Variants in NLE1 observed in about 807,000 individuals in gnomAD.
The protein encoded by NLE1 is notchless protein homolog 1.
In NLE1, 37 loss-of-function variants were observed where a neutral mutation model predicts 62.8. The observed-to-expected ratio is 0.59, with a 90% CI of 0.45 to 0.78. NLE1 has a LOEUF of 0.78. Among genes scored for constraint, NLE1 ranks in the 30% least tolerant of loss-of-function variants. NLE1 has a pLI of 0.00. For missense variants in NLE1, 555 were observed against 637.9 expected (o/e 0.87, Z 1.40); for synonymous variants, 243 against 253.0 (o/e 0.96, Z 0.37).
rs2091913793 is a variant in NLE1 at position 35,137,105 on chromosome 17, G to A, written c.724C>T (p.Leu242Phe). ...DTTAGRCERILTGHTQSVTCL... is the reference protein window; with the variant it reads ...DTTAGRCERIFTGHTQSVTCL... Reference sequence around the variant, plus strand: ...GTGACCGACTGGGTGTGCCCGGTGAGGATGCGCTCACAGCGGCCTGCAGTT... The same window carrying A: ...GTGACCGACTGGGTGTGCCCGGTGAAGATGCGCTCACAGCGGCCTGCAGTT... Residue 242 changes from leucine (L) to phenylalanine (F), a missense_variant, in exon 7 of 13, where the codon CTC becomes TTC. Transcript: ENST00000442241. 2 of 1,613,936 alleles carry A rather than the reference G, an allele frequency of 1.2e-6. No homozygotes were observed. Among genetic ancestry groups the A allele is most frequent in the Non-Finnish European group, 1.7e-6 (2 of 1,179,968 alleles).
At position 35,137,816 on chromosome 17, in the gene NLE1, G is replaced by C. The variant is rs2091918585; in HGVS notation, c.535C>G (p.Gln179Glu). The C allele has an allele frequency of 7.4e-6, 12 of 1,610,954 alleles. No individual in the cohort carries two copies. Among genetic ancestry groups the C allele is most frequent in the Non-Finnish European group, 9.3e-6 (11 of 1,178,360 alleles). Reference protein sequence around the residue: ...RKLASGCKNGQILLWDPSTGK... With the variant: ...RKLASGCKNGEILLWDPSTGK... ...TAGTTACCCTGAGAACTACCTACCT[G>C]GCCATTCTTGCAGCCTGAGGCCAGC... The change falls in exon 5 of 13, where the codon CAG becomes GAG. Residue 179 changes from glutamine to glutamate, a missense_variant and splice_region_variant. By Grantham distance (29) the Gln-to-Glu change is conservative. Coordinates refer to ENST00000442241, the MANE Select transcript of NLE1 (RefSeq NM_018096.5).
intron 2 of NLE1, among the ~76,000 whole-genome samples, chr17:35,141,740 A>G (rs189516587): frequency 1.3e-5 from 2 of 152,304 alleles, no homozygotes; most frequent in Admixed American, 1.3e-4. Flanking sequence ...CAAAGAATCA[A>G]TGAAATACAG....
intron 2 of NLE1, among the ~76,000 whole-genome samples, chr17:35,141,754 C>A (rs1217604551): frequency 6.6e-6 from 1 of 152,168 alleles, no homozygotes; most frequent in East Asian, 1.9e-4. Context: ...AATACAGCAT[C>A]CGGTGCGTTC....
rs1248715027 is a variant in NLE1 at position 35,130,128 on chromosome 17, T to C, written c.*2309A>G. 22 of 1,443,918 alleles carry C rather than the reference T, an allele frequency of 1.5e-5. No homozygotes were observed. The highest frequency in any genetic ancestry group is 7.2e-5 in the African/African-American group (5 of 69,854). The allele number at this position is 1,443,918 out of a possible 1,614,324, so 89.4% of individuals were successfully genotyped here. On this transcript the variant is annotated 3_prime_UTR_variant, in exon 13 of 13. Transcript: ENST00000442241. ...AGGAGGTACAGGCTTGAGTCATGCATCTTTGCACCTGTTTCCTGCGTCAAT... is the reference window on the plus strand; with the variant it reads ...AGGAGGTACAGGCTTGAGTCATGCACCTTTGCACCTGTTTCCTGCGTCAAT...
chr17:35,135,590 G>T, intron 9 of NLE1, 139 bp from the exon 10 acceptor site: 1 of 718,914 alleles, frequency 1.4e-6, no homozygotes, highest in South Asian at 1.9e-5. Context: ...AATGAGGACT[G>T]GCTTGGCCAC....
In NLE1 at chr17:35,134,915, G is replaced by A. The variant is rs550543214; in HGVS notation, c.1214+334C>T. The A allele has an allele frequency of 4.9e-5, 20 of 404,476 alleles. No individual in the cohort carries two copies. The Middle Eastern group carries it at 1.1e-3, about 22-fold the overall frequency. The allele number at this position is 404,476 out of a possible 1,614,324, so 25.1% of individuals were successfully genotyped here. ...AAAAATACAAAAATTAGCCAGGCAC[G>A]GTGGCGGAGGCCTGTAATCCCAGCT... On this transcript the variant is annotated intron_variant, in intron 10 of 12. Transcript: ENST00000442241.
At chr17:35,139,728 G>C in intron 3 of NLE1, 121 bp downstream of exon 3, 1 of 1,389,156 alleles carries the variant, frequency 7.2e-7, no homozygotes, top group Non-Finnish European at 9.7e-7. Context: ...TGAGTCCAGA[G>C]CTTGGGTCTA....
Position 35,132,358 on chromosome 17 carries a change from T to C in NLE1, c.*79A>G, listed in dbSNP as rs1175961904. 3.8e-6 allele frequency: 5 copies of C among 1,317,526 alleles called. No homozygotes were observed. Among genetic ancestry groups the C allele is most frequent in the Non-Finnish European group, 5.0e-6 (5 of 993,386 alleles). The allele number at this position is 1,317,526 out of a possible 1,614,324, so 81.6% of individuals were successfully genotyped here. ...TGGGGAGGGTGTGTGCACTGCCATC[T>C]CAGCCTTTGTTCTCTGGCAGGGAAG... is the stretch of plus-strand genomic sequence containing the variant. On this transcript the variant is annotated 3_prime_UTR_variant, in exon 13 of 13. Transcript: ENST00000442241.
rs201326610 is a variant in NLE1, at chr17:35,135,353, T to C, written c.1110A>G (p.Gly370=). 79 of 1,614,064 alleles carry C rather than the reference T, an allele frequency of 4.9e-5. No homozygotes were observed. The Middle Eastern group carries it at 6.6e-4, about 13-fold the overall frequency. Residue 370 remains glycine, a synonymous_variant, in exon 10 of 13, where the codon GGA becomes GGG. Transcript: ENST00000442241. ...GCACCTGGTTGATGAGAGCTTGGTG[T>C]CCTGTCATCCGAGTGAGAGGCTTTT... ...EDKKPLTRMT[G]HQALINQVLF...
chr17:35,140,984 GTAAT>G (rs2091940222), intron 2 of NLE1, among the ~76,000 whole-genome samples: 1 of 152,204 alleles, frequency 6.6e-6, no homozygotes, highest in African/African-American at 2.4e-5. Flanking sequence ...GAACAACTAA[GTAAT>G]TAGTTCAATG....
At position 35,129,523 on chromosome 17, in the gene NLE1, G is replaced by C. The variant is rs774036183; in HGVS notation, c.*2914C>G. On this transcript the variant is annotated 3_prime_UTR_variant, in exon 13 of 13. Coordinates refer to ENST00000442241, the MANE Select transcript of NLE1 (RefSeq NM_018096.5). Reference sequence around the variant, plus strand: ...AGGAGAATGAGTTGCCCGAGGCAAAGAATCGTCCATGGATCTTCAACAAGA... The same window carrying C: ...AGGAGAATGAGTTGCCCGAGGCAAACAATCGTCCATGGATCTTCAACAAGA... 6.2e-7 allele frequency: 1 copy of C among 1,614,210 alleles called. No individual in the cohort carries two copies. Among genetic ancestry groups the C allele is most frequent in the Non-Finnish European group, 8.5e-7 (1 of 1,180,046 alleles).
intron 10 of NLE1, among the ~76,000 whole-genome samples, chr17:35,134,130 G>A (rs565775214): frequency 4.6e-5 from 7 of 152,220 alleles, no homozygotes; most frequent in Admixed American, 1.3e-4. Flanking sequence ...CACACCAAGG[G>A]TTCCCATACT....
At position 35,130,108 on chromosome 17, in the gene NLE1, G is replaced by A; in HGVS notation, c.*2329C>T. The A allele has an allele frequency of 7.0e-7, 1 of 1,433,568 alleles. No individual in the cohort carries two copies. The highest frequency in any genetic ancestry group is 1.5e-5 in the South Asian group (1 of 65,964). The allele number at this position is 1,433,568 out of a possible 1,614,324, so 88.8% of individuals were successfully genotyped here. A position where few individuals can be genotyped will look rare whatever the true frequency, so the allele number is the denominator to read the frequency against. On this transcript the variant is annotated 3_prime_UTR_variant, in exon 13 of 13. Coordinates refer to ENST00000442241, the MANE Select transcript of NLE1 (RefSeq NM_018096.5). ...GTTGGAAATATCCCATAATGAGGAG[G>A]TACAGGCTTGAGTCATGCATCTTTG...
At chr17:35,133,637 A>T (rs2091891157) in intron 10 of NLE1, 139 bp from the exon 11 acceptor site, 1 of 764,434 alleles carries the variant, frequency 1.3e-6, no homozygotes, top group East Asian at 2.8e-5. Flanking sequence ...ACAAAATCAC[A>T]CTGCCTGGTC....
At position 35,141,981 on chromosome 17, in the gene NLE1, G is replaced by C; in HGVS notation, c.160C>G (p.Gln54Glu). Residue 54 changes from glutamine to glutamate, a missense_variant and splice_region_variant, in exon 2 of 13, where the codon CAG becomes GAG. Physicochemically the swap from Gln to Glu is conservative, Grantham distance 29 (BLOSUM62 2). Transcript: ENST00000442241. ...LQLVCNALLAQEDPLPLAFFV... is the reference protein window; with the variant it reads ...LQLVCNALLAEEDPLPLAFFV... ...GGCCGCCCTGGCCAGCCACTTACCT[G>C]GGCCAGTAGCGCGTTGCACACGAGC... 4 of 1,579,526 alleles carry C rather than the reference G, an allele frequency of 2.5e-6. No homozygotes were observed. Among genetic ancestry groups the C allele is most frequent in the Non-Finnish European group, 3.4e-6 (4 of 1,163,884 alleles).
At chr17:35,137,438 C>G in intron 6 of NLE1, 105 bp downstream of exon 6, 1 of 977,026 alleles carries the variant, frequency 1.0e-6, no homozygotes. Context: ...GTCATTCAGG[C>G]TGCCCATCTT....
chr17:35,132,504 C>A, intron 12 of NLE1, 55 bp from the exon 13 acceptor site: 6 of 1,307,230 alleles, frequency 4.6e-6, no homozygotes, highest in Non-Finnish European at 5.9e-6. Context: ...AAAGGGAGGC[C>A]GTCATATAAT....
At chr17:35,140,827 T>C (rs1228909077) in intron 2 of NLE1, among the ~76,000 whole-genome samples, 1 of 152,156 alleles carries the variant, frequency 6.6e-6, no homozygotes, top group African/African-American at 2.4e-5. Context: ...TGACCTCTAG[T>C]GATCTGCCCA....
chr17:35,137,663 A>G, intron 5 of NLE1, 23 bp from the exon 6 acceptor site: 2 of 1,594,342 alleles, frequency 1.3e-6, no homozygotes, highest in Non-Finnish European at 1.7e-6. Context: ...AGCTCACTGA[A>G]TAATCCTCCC....
Sources: gnomAD v4.1 joint callset for allele counts (sites outside exome capture counted in the v4.1 genomes callset) on GRCh38, gnomAD v4.1.1 for gene constraint, MANE v1.5 for transcripts, NCBI Gene and HGNC (gene_info 2026-07-23, HGNC 2026-07-21) for gene names.